Variants in NCAM1 observed in about 807,000 individuals in gnomAD.
NCAM1 encodes the protein neural cell adhesion molecule 1, also known as antigen recognized by monoclonal antibody 5.1H11.
In NCAM1, 14 loss-of-function variants were observed where a neutral mutation model predicts 109.8. The observed-to-expected ratio is 0.13, with a 90% CI of 0.08 to 0.20. The LOEUF is 0.20. Ranked by LOEUF, NCAM1 falls within the 10% of genes least tolerant of loss-of-function variation. The pLI, the probability that NCAM1 is intolerant of heterozygous loss-of-function variation, is 1.00. For missense variants in NCAM1, 774 were observed against 1,109.9 expected, an observed-to-expected ratio of 0.70 and a Z score of 4.30; for synonymous variants, 418 against 442.9, an observed-to-expected ratio of 0.94 and a Z score of 0.70.
intron 1 of NCAM1, among the ~76,000 whole-genome samples, chr11:113,166,181 T>G (rs1396913383): frequency 1.3e-5 from 2 of 152,024 alleles, no homozygotes; most frequent in African/African-American, 2.4e-5. Context: ...GCCTTCTCCC[T>G]GGGAAATGTG....
chr11:113,100,539 C>G (rs571682202), intron 1 of NCAM1, among the ~76,000 whole-genome samples: 1 of 152,060 alleles, frequency 6.6e-6, no homozygotes, highest in Non-Finnish European at 1.5e-5. Context: ...GGAGGTGGCT[C>G]TCAGTGGGAT....
intron 7 of NCAM1, among the ~76,000 whole-genome samples, chr11:113,213,772 A>G (rs906695220): frequency 6.6e-6 from 1 of 152,148 alleles, no homozygotes; most frequent in Non-Finnish European, 1.5e-5. Flanking sequence ...TGGTTTTCCC[A>G]CTTCAAAGTG....
At chr11:113,255,239 G>T (rs1555122076) in intron 15 of NCAM1, among the ~76,000 whole-genome samples, 1 of 152,112 alleles carries the variant, frequency 6.6e-6, no homozygotes, top group East Asian at 1.9e-4. Context: ...AGAGCCATAA[G>T]GATACTTACA....
chr11:113,040,614 T>C (rs1953042827), intron 1 of NCAM1, among the ~76,000 whole-genome samples: 1 of 152,198 alleles, frequency 6.6e-6, no homozygotes. Context: ...AATACATTGC[T>C]CTCTCATAGA....
At chr11:112,971,899 G>T (rs1167344435) in intron 1 of NCAM1, among the ~76,000 whole-genome samples, 2 of 152,122 alleles carry the variant, frequency 1.3e-5, no homozygotes, top group African/African-American at 4.8e-5. Flanking sequence ...TTAGATTAAA[G>T]AAACCCAACT....
intron 1 of NCAM1, among the ~76,000 whole-genome samples, chr11:113,108,263 A>T (rs1453019073): frequency 6.6e-6 from 1 of 152,220 alleles, no homozygotes; most frequent in Non-Finnish European, 1.5e-5. Context: ...AAGCAAAGGC[A>T]TGCAAAGCCA....
At chr11:113,155,692 G>A (rs1555103347) in intron 1 of NCAM1, among the ~76,000 whole-genome samples, 1 of 152,060 alleles carries the variant, frequency 6.6e-6, no homozygotes, top group East Asian at 1.9e-4. Flanking sequence ...GTGGTCTTTA[G>A]TTGCCCAGTT....
intron 1 of NCAM1, among the ~76,000 whole-genome samples, chr11:113,087,766 C>G (rs1939154044): frequency 6.6e-6 from 1 of 152,164 alleles, no homozygotes; most frequent in East Asian, 1.9e-4. Flanking sequence ...ATGAAAATGT[C>G]TGTGCATTGC....
rs963219157 is a variant in NCAM1 at position 113,231,328 on chromosome 11, A to C, written c.1090-317A>C. 15 of 1,526,562 alleles carry C rather than the reference A, an allele frequency of 9.8e-6. No homozygotes were observed. In the African/African-American group the frequency reaches 1.9e-4, roughly 20 times the overall value. The allele number at this position is 1,526,562 out of a possible 1,614,324, so 94.6% of individuals were successfully genotyped here. Reference sequence around the variant, plus strand: ...TCTGCTGGCCGGAGGCTTTGCTTCCATTTTAGACATCCCAAACAAAGTCAT... The same window carrying C: ...TCTGCTGGCCGGAGGCTTTGCTTCCCTTTTAGACATCCCAAACAAAGTCAT... On this transcript the variant is annotated intron_variant, in intron 9 of 19. Coordinates refer to ENST00000316851, the MANE Select transcript of NCAM1 (RefSeq NM_181351.5).
rs557948651 is a variant in NCAM1, at chr11:113,243,249, G to A, written c.1826-3119G>A. Among the ~76,000 whole-genome samples the A allele has an allele frequency of 2.3e-3, 351 of 152,340 alleles. 1 individual carries two copies. Among genetic ancestry groups the A allele is most frequent in the Non-Finnish European group, 3.9e-3 (265 of 68,038 alleles). ...TTTAGCAGTAGCAAAAAGACTGAGA[G>A]CGAGGGAAGGAATAGGAGAAAATGG... is the stretch of plus-strand genomic sequence containing the variant. On this transcript the variant is annotated intron_variant, in intron 14 of 19. Transcript: ENST00000316851.
rs551481624 is a variant in NCAM1 at position 113,147,587 on chromosome 11, G to A, written c.53-54792G>A. 3.9e-5 allele frequency among the ~76,000 whole-genome samples: 6 copies of A among 152,326 alleles called. No individual in the cohort carries two copies. The East Asian group carries it at 5.8e-4, about 15-fold the overall frequency. On this transcript the variant is annotated intron_variant, in intron 1 of 19. Transcript: ENST00000316851. ...CTCTGCTAATGGGAGATTCAGAAAC[G>A]CAGATTGCAATTACAGTCTTTGTTT...
intron 14 of NCAM1, chr11:113,243,430 A>G (rs1945401308): frequency 2.7e-6 from 1 of 375,310 alleles, no homozygotes; most frequent in Non-Finnish European, 5.5e-6. Flanking sequence ...TGCTAGAAAA[A>G]TGATGGGCAG....
At chr11:113,130,081 A>T (rs558579564) in intron 1 of NCAM1, among the ~76,000 whole-genome samples, 57 of 152,292 alleles carry the variant, frequency 3.7e-4, no homozygotes, top group African/African-American at 1.3e-3. Context: ...GGCCACATAG[A>T]AGACAGGCTT....
chr11:113,008,295 G>A (rs112097975), intron 1 of NCAM1, among the ~76,000 whole-genome samples: 1,706 of 152,244 alleles, frequency 0.011, 25 homozygotes, highest in African/African-American at 0.039. Context: ...TCACAGATAG[G>A]GGGGCAGGGG....
chr11:113,097,625 A>C (rs1555090688), intron 1 of NCAM1, among the ~76,000 whole-genome samples: 1 of 129,160 alleles, frequency 7.7e-6, no homozygotes, highest in East Asian at 2.1e-4. Flanking sequence ...TTTTTTTTTA[A>C]CTCTTTGTTC....
chr11:112,976,972 T>C (rs1458567037), intron 1 of NCAM1, among the ~76,000 whole-genome samples: 1 of 147,704 alleles, frequency 6.8e-6, no homozygotes, highest in African/African-American at 2.5e-5. Flanking sequence ...GGTGCAAACG[T>C]CAGGTAATTC....
intron 1 of NCAM1, among the ~76,000 whole-genome samples, chr11:113,073,968 TG>T (rs1423334966): frequency 6.6e-6 from 1 of 152,196 alleles, no homozygotes; most frequent in African/African-American, 2.4e-5. Context: ...GTTTTCTGAG[TG>T]GGAGTTGATT....
intron 11 of NCAM1, 137 bp from the exon 12 acceptor site, chr11:113,232,581 T>C: frequency 1.2e-6 from 1 of 824,206 alleles, no homozygotes; most frequent in Non-Finnish European, 1.9e-6. Context: ...TCTTTTCTCT[T>C]GTTTAAGGCT....
At chr11:113,181,844 C>T (rs1943344854) in intron 1 of NCAM1, among the ~76,000 whole-genome samples, 1 of 152,110 alleles carries the variant, frequency 6.6e-6, no homozygotes, top group Non-Finnish European at 1.5e-5. Context: ...AGGAACCCCA[C>T]GCTATTTTTG....
Sources: gnomAD v4.1 joint callset for allele counts (sites outside exome capture counted in the v4.1 genomes callset) on GRCh38, gnomAD v4.1.1 for gene constraint, MANE v1.5 for transcripts, NCBI Gene and HGNC (gene_info 2026-07-23, HGNC 2026-07-21) for gene names.